Variants in SH3RF2 observed in about 807,000 individuals in gnomAD.
SH3RF2 encodes the protein SH3 domain containing ring finger 2.
A neutral mutation model predicts 59.0 loss-of-function variants in SH3RF2; 43 were observed. That is an observed-to-expected ratio of 0.73 (90% confidence interval 0.57 to 0.94). SH3RF2 has a LOEUF of 0.94. Ranked by LOEUF, SH3RF2 falls within the 40% of genes least tolerant of loss-of-function variation. The probability of loss-of-function intolerance (pLI) is 0.00; values close to 1 mark genes in which losing one functional copy is unlikely to be tolerated. For missense variants in SH3RF2, 930 were observed against 940.1 expected, an observed-to-expected ratio of 0.99 and a Z score of 0.14; for synonymous variants, 391 against 391.5, an observed-to-expected ratio of 1.00 and a Z score of 0.01.
At chr5:146,070,976 A>G (rs1181887016) in intron 9 of SH3RF2, among the ~76,000 whole-genome samples, 2 of 152,170 alleles carry the variant, frequency 1.3e-5, no homozygotes, top group African/African-American at 4.8e-5. Flanking sequence ...AGCATGACCG[A>G]CCGACTTAAT....
chr5:146,028,765 T>A, intron 5 of SH3RF2, among the ~76,000 whole-genome samples: 1 of 152,202 alleles, frequency 6.6e-6, no homozygotes. Context: ...GTGAAAAAGA[T>A]GCCCTTTCTG....
chr5:145,938,547 C>A (rs1288909066), intron 2 of SH3RF2, among the ~76,000 whole-genome samples: 1 of 152,128 alleles, frequency 6.6e-6, no homozygotes, highest in African/African-American at 2.4e-5. Flanking sequence ...TTCCTCTAGT[C>A]CAGAAAGTAG....
At chr5:146,070,978 C>T (rs140025478) in intron 9 of SH3RF2, among the ~76,000 whole-genome samples, 53 of 152,232 alleles carry the variant, frequency 3.5e-4, no homozygotes, top group African/African-American at 1.2e-3. Flanking sequence ...CATGACCGAC[C>T]GACTTAATGA....
chr5:146,053,738 C>T (rs1051463129), intron 7 of SH3RF2, among the ~76,000 whole-genome samples: 2 of 152,182 alleles, frequency 1.3e-5, no homozygotes, highest in African/African-American at 4.8e-5. Flanking sequence ...CAGGATCTTC[C>T]TCTTTCTTGC....
chr5:145,981,513 C>A (rs868358632), intron 2 of SH3RF2, among the ~76,000 whole-genome samples: 1 of 152,160 alleles, frequency 6.6e-6, no homozygotes, highest in South Asian at 2.1e-4. Context: ...CACACGCACA[C>A]CTCCTCTTCC....
chr5:145,957,321 T>G (rs1758454882), intron 2 of SH3RF2, among the ~76,000 whole-genome samples: 1 of 151,940 alleles, frequency 6.6e-6, no homozygotes, highest in African/African-American at 2.4e-5. Flanking sequence ...CAAACAATAA[T>G]GACAGTAGAA....
intron 7 of SH3RF2, among the ~76,000 whole-genome samples, chr5:146,051,038 C>T (rs1762478015): frequency 6.6e-6 from 1 of 152,162 alleles, no homozygotes; most frequent in African/African-American, 2.4e-5. Context: ...AGTTTGAAAC[C>T]AGCCTGGCCA....
At chr5:146,072,412 C>G (rs1235854905) in intron 9 of SH3RF2, among the ~76,000 whole-genome samples, 1 of 152,192 alleles carries the variant, frequency 6.6e-6, no homozygotes, top group Non-Finnish European at 1.5e-5. Context: ...GTGGCTCACG[C>G]CTGTAATTCC....
intron 2 of SH3RF2, among the ~76,000 whole-genome samples, chr5:145,998,753 A>C (rs1425998020): frequency 2.6e-5 from 4 of 152,182 alleles, no homozygotes; most frequent in African/African-American, 9.7e-5. Context: ...TCCACCAAAA[A>C]TACAAAAATT....
At chr5:145,956,733 C>G (rs982880343) in intron 2 of SH3RF2, among the ~76,000 whole-genome samples, 5 of 152,090 alleles carry the variant, frequency 3.3e-5, no homozygotes, top group African/African-American at 1.2e-4. Context: ...GGATCAAGAC[C>G]ACAAATCTAG....
chr5:146,057,527 C>A (rs1203458054), intron 8 of SH3RF2, among the ~76,000 whole-genome samples: 2 of 152,234 alleles, frequency 1.3e-5, no homozygotes, highest in East Asian at 3.8e-4. Flanking sequence ...CAGTGCCTGG[C>A]ACATAATAAT....
At chr5:146,017,061 C>G (rs888785527) in intron 5 of SH3RF2, among the ~76,000 whole-genome samples, 2 of 152,132 alleles carry the variant, frequency 1.3e-5, no homozygotes, top group African/African-American at 4.8e-5. Flanking sequence ...GAAGCCAGAG[C>G]CAGGAATATT....
intron 2 of SH3RF2, among the ~76,000 whole-genome samples, chr5:145,976,872 G>A (rs1165569334): frequency 3.3e-5 from 5 of 152,208 alleles, no homozygotes; most frequent in South Asian, 2.1e-4. Flanking sequence ...CTGTTGTTTC[G>A]GTTAGAGCCT....
At chr5:145,984,529 C>G (rs1172636120) in intron 2 of SH3RF2, among the ~76,000 whole-genome samples, 2 of 152,216 alleles carry the variant, frequency 1.3e-5, no homozygotes, top group Non-Finnish European at 2.9e-5. Context: ...ACTTTTGGCT[C>G]TATCTCAGAG....
At chr5:145,954,326 T>C (rs4610511) in intron 2 of SH3RF2, among the ~76,000 whole-genome samples, 32,688 of 152,222 alleles carry the variant, frequency 0.21, 5,076 homozygotes, top group African/African-American at 0.43. Context: ...GAGCTTTTTT[T>C]ATATGCTTGT....
chr5:145,984,201 A>G (rs1759613732), intron 2 of SH3RF2, among the ~76,000 whole-genome samples: 1 of 152,212 alleles, frequency 6.6e-6, no homozygotes, highest in African/African-American at 2.4e-5. Flanking sequence ...GAATGAGTAG[A>G]CGTAGCAAGT....
rs560405792 is a variant in SH3RF2 at position 146,051,732 on chromosome 5, G to A, written c.1322+2487G>A. Among the ~76,000 whole-genome samples, 192 of 152,314 alleles carry A rather than the reference G, an allele frequency of 1.3e-3. 3 individuals carry two copies. Among genetic ancestry groups the A allele is most frequent in the Non-Finnish European group, 2.2e-3 (148 of 68,040 alleles). ...CCTGAGATGTCTCTTAATAATCCAAGTAAAGGTGTTGGTAAGCAGTTGAAT... is the reference window on the plus strand; with the variant it reads ...CCTGAGATGTCTCTTAATAATCCAAATAAAGGTGTTGGTAAGCAGTTGAAT... On this transcript the variant is annotated intron_variant, in intron 7 of 9. Coordinates refer to ENST00000359120, the MANE Select transcript of SH3RF2 (RefSeq NM_152550.4).
intron 4 of SH3RF2, among the ~76,000 whole-genome samples, chr5:146,010,075 G>A (rs1039200823): frequency 2.0e-5 from 3 of 149,546 alleles, no homozygotes; most frequent in Non-Finnish European, 4.4e-5. Flanking sequence ...TCCCCTTCCT[G>A]TGTCCAAGTG....
chr5:146,037,401 C>G (rs1179593230), intron 5 of SH3RF2, among the ~76,000 whole-genome samples: 1 of 152,194 alleles, frequency 6.6e-6, no homozygotes, highest in African/African-American at 2.4e-5. Flanking sequence ...CTAACTGTGA[C>G]TGCTCCCATG....
Sources: allele counts gnomAD v4.1 joint callset (sites outside exome capture counted in the v4.1 genomes callset), GRCh38; gene constraint gnomAD v4.1.1; transcripts MANE v1.5; gene names NCBI Gene and HGNC (gene_info 2026-07-23, HGNC 2026-07-21).